The following SEC24B variants were observed in gnomAD, a reference collection of about 807,000 sequenced individuals.
The protein encoded by SEC24B is protein transport protein Sec24B.
SEC24B carries 45 observed loss-of-function variants against 142.8 expected under a neutral mutation model. That is an observed-to-expected ratio of 0.32 (90% CI 0.25 to 0.40). SEC24B has a LOEUF of 0.40. SEC24B is among the 10% of genes least tolerant of loss of function. The pLI is 1.00. For missense variants in SEC24B, 1,409 were observed against 1,526.8 expected, an observed-to-expected ratio of 0.92 and a Z score of 1.29; for synonymous variants, 574 against 568.2, an observed-to-expected ratio of 1.01 and a Z score of -0.15.
chr4:109,491,365 A>T lies in SEC24B; in HGVS notation c.1204A>T (p.Met402Leu), dbSNP rs762818953. ...TTCTACCACAAGCAGTGCTTCTCCA[A>T]TGCCCAACAGTTATGATGCCCTGGA... ...SSSTTSSASP[M>L]PNSYDALEGG... The change falls in exon 5 of 24, where the codon ATG becomes TTG. Residue 402 changes from methionine (M) to leucine (L), a missense_variant. Physicochemically the swap from Met to Leu is conservative, Grantham distance 15. Coordinates refer to ENST00000265175, the MANE Select transcript of SEC24B (RefSeq NM_006323.5). 4 of 1,613,786 alleles carry T rather than the reference A, an allele frequency of 2.5e-6. No individual in the cohort carries two copies. The highest frequency in any genetic ancestry group is 3.4e-6 in the Non-Finnish European group (4 of 1,179,722).
chr4:109,491,473 G>A (rs1735014959), intron 5 of SEC24B, 66 bp downstream of exon 5: 1 of 1,215,296 alleles, frequency 8.2e-7, no homozygotes, highest in Admixed American at 1.7e-5. Flanking sequence ...GCCTTCAAAT[G>A]TGAACATGTA....
chr4:109,532,536 A>G (rs1725039822), intron 20 of SEC24B, 103 bp from the exon 21 acceptor site: 1 of 799,914 alleles, frequency 1.3e-6, no homozygotes, highest in South Asian at 1.7e-5. Flanking sequence ...CAAAACTCCC[A>G]AGTGTTATTT....
In SEC24B at chr4:109,463,359, T is replaced by C. The variant is rs1287347441; in HGVS notation, c.592T>C (p.Tyr198His). 1.2e-6 allele frequency: 2 copies of C among 1,614,242 alleles called. No homozygotes were observed. The highest frequency in any genetic ancestry group is 2.2e-5 in the East Asian group (1 of 44,894). Residue 198 changes from tyrosine (Y) to histidine (H), a missense_variant, in exon 2 of 24, where the codon TAT becomes CAT. Tyr to His is a moderately conservative substitution (Grantham distance 83, BLOSUM62 2). This residue lies in a region of SEC24B where 709 missense variants were observed against 673.5 expected (regional missense o/e 1.05). Transcript: ENST00000265175. The stretch of plus-strand genomic sequence containing the variant: ...TAATGCCGCGTATCCTAGTGTTTCA[T>C]ATCCCTCTCTGCCTGCTGGTGATAC... ...VSNAAYPSVS[Y>H]PSLPAGDTYG...
intron 8 of SEC24B, among the ~76,000 whole-genome samples, chr4:109,510,489 A>C (rs935448197): frequency 1.3e-5 from 2 of 152,214 alleles, no homozygotes; most frequent in Admixed American, 6.5e-5. Context: ...AAAGTTTTCT[A>C]TAAGTGTTGA....
Position 109,463,007 on chromosome 4 carries a change from A to C in SEC24B, c.240A>C (p.Ser80=). 3.1e-6 allele frequency: 5 copies of C among 1,614,110 alleles called. No homozygotes were observed. The highest frequency in any genetic ancestry group is 4.2e-6 in the Non-Finnish European group (5 of 1,179,998). Residue 80 remains serine (S), a synonymous_variant, in exon 2 of 24, where the codon TCA becomes TCC. Coordinates refer to ENST00000265175, the MANE Select transcript of SEC24B (RefSeq NM_006323.5). ...CTCAAGGACCTGGGAAAATGACCTC[A>C]TTGCCATTGGATACCCAGTGTGGTG... The part of the protein sequence containing the change: ...HYSQGPGKMT[S]LPLDTQCGDY...
chr4:109,484,352 CCT>C, intron 4 of SEC24B, among the ~76,000 whole-genome samples: 1 of 152,224 alleles, frequency 6.6e-6, no homozygotes, highest in African/African-American at 2.4e-5. Context: ...CTCAGTGCAT[CCT>C]ATTTGAGGCA....
chr4:109,476,992 C>T (rs1733227365), intron 3 of SEC24B, among the ~76,000 whole-genome samples: 1 of 151,444 alleles, frequency 6.6e-6, no homozygotes. Context: ...AAAAAATTAG[C>T]CGGGCGTAGT....
At chr4:109,456,953 G>T (rs1730749188) in intron 1 of SEC24B, among the ~76,000 whole-genome samples, 1 of 152,172 alleles carries the variant, frequency 6.6e-6, no homozygotes, top group Non-Finnish European at 1.5e-5. Flanking sequence ...TGGTGGTGAA[G>T]AATATAGTAA....
At chr4:109,479,081 G>A (rs973669614) in intron 3 of SEC24B, among the ~76,000 whole-genome samples, 5 of 152,176 alleles carry the variant, frequency 3.3e-5, no homozygotes, top group African/African-American at 1.2e-4. Flanking sequence ...ATATTAAGCA[G>A]CACCAAGGAT....
At chr4:109,483,026 A>G (rs1352101236) in intron 4 of SEC24B, among the ~76,000 whole-genome samples, 1 of 95,380 alleles carries the variant, frequency 1.0e-5, no homozygotes, top group Admixed American at 9.4e-5. Context: ...TGTTTTTTAT[A>G]TATGTATTTA....
chr4:109,434,019 G>A lies in SEC24B; in HGVS notation c.133+17G>A, dbSNP rs1036669193. 9 of 1,124,848 alleles carry A rather than the reference G, an allele frequency of 8.0e-6. No individual in the cohort carries two copies. Among genetic ancestry groups the A allele is most frequent in the African/African-American group, 5.0e-5 (3 of 60,306 alleles). The allele number at this position is 1,124,848 out of a possible 1,614,324, so 69.7% of individuals were successfully genotyped here. A position where few individuals can be genotyped will look rare whatever the true frequency, so the allele number is the denominator to read the frequency against. Reference sequence around the variant, plus strand: ...AGCAGAACGGTGAGGCGGGCGGCCCGGGCGGAGCGCGGGGCCTAGCACCGG... The same window carrying A: ...AGCAGAACGGTGAGGCGGGCGGCCCAGGCGGAGCGCGGGGCCTAGCACCGG... On this transcript the variant is annotated intron_variant, in intron 1 of 23. Transcript: ENST00000265175.
At chr4:109,442,826 T>A (rs1374279110) in intron 1 of SEC24B, among the ~76,000 whole-genome samples, 1 of 152,184 alleles carries the variant, frequency 6.6e-6, no homozygotes, top group Non-Finnish European at 1.5e-5. Flanking sequence ...CTTATTCAGG[T>A]AACTTGCTTT....
chr4:109,530,137 A>G (rs1425131748), intron 18 of SEC24B, 152 bp from the exon 19 acceptor site: 1 of 556,126 alleles, frequency 1.8e-6, no homozygotes, highest in African/African-American at 1.9e-5. Flanking sequence ...GTATAAGAAG[A>G]CATTTGAAAT....
intron 22 of SEC24B, among the ~76,000 whole-genome samples, chr4:109,534,263 A>G (rs991688721): frequency 4.8e-5 from 7 of 145,854 alleles, no homozygotes; most frequent in Non-Finnish European, 8.9e-5. Context: ...GCAGATCACT[A>G]GAAGAAATAT....
At chr4:109,537,026 A>C (rs1725626070) in intron 22 of SEC24B, among the ~76,000 whole-genome samples, 1 of 152,062 alleles carries the variant, frequency 6.6e-6, no homozygotes, top group South Asian at 2.1e-4. Context: ...TAACTTCTCT[A>C]TAAAAAGTTC....
intron 19 of SEC24B, 51 bp downstream of exon 19, chr4:109,530,515 A>G: frequency 1.4e-6 from 2 of 1,428,970 alleles, no homozygotes; most frequent in Non-Finnish European, 1.9e-6. Context: ...AAATTCTCAG[A>G]TATGTACATG....
At chr4:109,509,709 C>CTTTTCACTTA (rs1363560098) in intron 7 of SEC24B, among the ~76,000 whole-genome samples, 3 of 150,406 alleles carry the variant, frequency 2.0e-5, no homozygotes, top group Non-Finnish European at 4.4e-5. Context: ...AAAAGTAGGC[C>CTTTTCACTTA]TTTTCACTTA....
chr4:109,470,176 A>T (rs1732365500), intron 2 of SEC24B, among the ~76,000 whole-genome samples: 1 of 152,238 alleles, frequency 6.6e-6, no homozygotes, highest in South Asian at 2.1e-4. Flanking sequence ...TTCATATTTT[A>T]GGAAAATTTG....
rs1173350565 is a variant in SEC24B at position 109,526,463 on chromosome 4, T to G, written c.2965+64T>G. On this transcript the variant is annotated intron_variant, in intron 17 of 23. Coordinates refer to ENST00000265175, the MANE Select transcript of SEC24B (RefSeq NM_006323.5). ...ATTCCTCCCTCCTTTCACATGGCCT[T>G]TAGTGGAGTGGGGAAAAAGAATGAA... 54 of 1,233,972 alleles carry G rather than the reference T, an allele frequency of 4.4e-5. No individual in the cohort carries two copies. In the Admixed American group the frequency reaches 1.2e-3, roughly 28 times the overall value. 76.4% of individuals were successfully genotyped at this position (1,233,972 alleles called of 1,614,324 possible). A position where few individuals can be genotyped will look rare whatever the true frequency, so the allele number is the denominator to read the frequency against.
Sources: gnomAD v4.1 joint callset for allele counts (sites outside exome capture counted in the v4.1 genomes callset) on GRCh38, gnomAD v4.1.1 for gene constraint, gnomAD v4.1.1 regional missense constraint, MANE v1.5 for transcripts, NCBI Gene and HGNC (gene_info 2026-07-23, HGNC 2026-07-21) for gene names.